Variants in KCTD13 observed in about 807,000 individuals in gnomAD.
The protein encoded by KCTD13 is BTB/POZ domain-containing adapter for CUL3-mediated RhoA degradation protein 1.
Under a neutral mutation model 32.3 loss-of-function variants are expected in KCTD13, and 15 were observed. That is an observed-to-expected ratio of 0.46 (90% confidence interval 0.31 to 0.71). The LOEUF is 0.71. KCTD13 is among the 30% of genes least tolerant of loss of function. KCTD13 has a pLI of 0.05. For synonymous variants in KCTD13, 189 were observed against 200.1 expected, an observed-to-expected ratio of 0.94 and a Z score of 0.47; for missense variants, 337 against 452.6, an observed-to-expected ratio of 0.74 and a Z score of 2.32.
In KCTD13 at chr16:29,925,787, T is replaced by C. The variant is rs560111231; in HGVS notation, c.244+3A>G. ...GGGGGCACGGTAGGGGCGCCGCTCG[T>C]ACCTCCGGCATCGGTCAGCACCTCC... On this transcript the variant is annotated splice_donor_region_variant and intron_variant, in intron 1 of 5. Transcript: ENST00000568000. 6.2e-7 allele frequency: 1 copy of C among 1,613,296 alleles called. No individual in the cohort carries two copies. Among genetic ancestry groups the C allele is most frequent in the South Asian group, 1.1e-5 (1 of 91,014 alleles).
At chr16:29,911,434 T>C (rs2068707351) in intron 4 of KCTD13, 4 of 561,022 alleles carry the variant, frequency 7.1e-6, no homozygotes, top group Non-Finnish European at 1.3e-5. Flanking sequence ...GGGGTCCTGG[T>C]GTCCCCATTT....
rs901699271 is a variant in KCTD13 at position 29,906,712 on chromosome 16, A to T, written c.*160T>A. 1.5e-5 allele frequency: 10 copies of T among 685,370 alleles called. No individual in the cohort carries two copies. The highest frequency in any genetic ancestry group is 2.6e-5 in the Non-Finnish European group (10 of 380,174). 42.5% of individuals were successfully genotyped at this position (685,370 alleles called of 1,614,324 possible). On this transcript the variant is annotated 3_prime_UTR_variant, in exon 6 of 6. Coordinates refer to ENST00000568000, the MANE Select transcript of KCTD13 (RefSeq NM_178863.5). ...CCATGTTGTTAGCAATGGGGTTGGG[A>T]TGGGTGGAGAAGGGCCAAAGTGAGC... is the stretch of plus-strand genomic sequence containing the variant.
intron 2 of KCTD13, chr16:29,914,868 G>T (rs1007502858): frequency 6.6e-6 from 1 of 152,254 alleles, no homozygotes; most frequent in Non-Finnish European, 1.5e-5. Context: ...GAAGCCGGGC[G>T]TGGTAGCGTG....
chr16:29,908,683 C>CTT (rs576706189), intron 5 of KCTD13, among the ~76,000 whole-genome samples: 7 of 136,194 alleles, frequency 5.1e-5, no homozygotes, highest in African/African-American at 8.2e-5. Flanking sequence ...CATGCCCGGC[C>CTT]TTTTTTTTTT....
At chr16:29,922,404 T>C (rs934536585) in intron 2 of KCTD13, 4 of 152,182 alleles carry the variant, frequency 2.6e-5, no homozygotes, top group African/African-American at 7.2e-5. Context: ...ATTGTAAAAA[T>C]AGAACAGAAT....
chr16:29,918,921 GT>G, intron 2 of KCTD13, among the ~76,000 whole-genome samples: 1 of 151,380 alleles, frequency 6.6e-6, no homozygotes, highest in Non-Finnish European at 1.5e-5. Flanking sequence ...GCCTCCCAAA[GT>G]GCTGGGATTA....
At chr16:29,920,635 A>G (rs1055273300) in intron 2 of KCTD13, 2 of 152,242 alleles carry the variant, frequency 1.3e-5, no homozygotes, top group Non-Finnish European at 2.9e-5. Context: ...ACTAGTGAGT[A>G]TATGAAAAGA....
At position 29,917,346 on chromosome 16, in the gene KCTD13, A is replaced by G. The variant is rs542578027; in HGVS notation, c.415-5297T>C. Among the ~76,000 whole-genome samples, 14 of 152,296 alleles carry G rather than the reference A, an allele frequency of 9.2e-5. No individual in the cohort carries two copies. In the South Asian group the frequency reaches 2.7e-3, roughly 29 times the overall value. On this transcript the variant is annotated intron_variant, in intron 2 of 5. Transcript: ENST00000568000. ...ATTAAAATACCCATATATGAAAAAA[A>G]TCCATATTTAAAACTATAGGTCAGG...
intron 1 of KCTD13, 111 bp downstream of exon 1, chr16:29,925,679 T>C: frequency 9.5e-7 from 1 of 1,052,634 alleles, no homozygotes; most frequent in Non-Finnish European, 1.4e-6. Flanking sequence ...ATGAGTTGAC[T>C]GGACAGTAGC....
rs1597035385 is a variant in KCTD13 at position 29,926,172 on chromosome 16, A to G, written c.-139T>C. ...CCACTCACCGCAGCTACTCTGCAAG[A>G]CCGGCCCTCCGCCCCATCTCGCTCG... On this transcript the variant is annotated 5_prime_UTR_variant, in exon 1 of 6. Coordinates refer to ENST00000568000, the MANE Select transcript of KCTD13 (RefSeq NM_178863.5). 9.9e-7 allele frequency: 1 copy of G among 1,012,636 alleles called. No individual in the cohort carries two copies. The highest frequency in any genetic ancestry group is 2.1e-5 in the South Asian group (1 of 47,834). 62.7% of individuals were successfully genotyped at this position (1,012,636 alleles called of 1,614,324 possible).
At chr16:29,917,286 T>C (rs1273175806) in intron 2 of KCTD13, among the ~76,000 whole-genome samples, 1 of 152,076 alleles carries the variant, frequency 6.6e-6, no homozygotes, top group African/African-American at 2.4e-5. Flanking sequence ...CTAAATCCCT[T>C]CACAATCATA....
Position 29,920,858 on chromosome 16 carries a change from T to C in KCTD13, c.414+2332A>G, listed in dbSNP as rs1006165668. ...TATTTACTAAAACGCCGTTTGCAGG[T>C]GTCCTGTTATCCAGCAATTCTACTC... On this transcript the variant is annotated intron_variant, in intron 2 of 5. Transcript: ENST00000568000. 3.9e-5 allele frequency: 6 copies of C among 152,292 alleles called. No homozygotes were observed. In the East Asian group the frequency reaches 1.2e-3, roughly 29 times the overall value. 9.4% of individuals were successfully genotyped at this position (152,292 alleles called of 1,614,324 possible).
chr16:29,916,161 A>G (rs2068805680), intron 2 of KCTD13, among the ~76,000 whole-genome samples: 1 of 152,134 alleles, frequency 6.6e-6, no homozygotes, highest in South Asian at 2.1e-4. Flanking sequence ...CCTTTCCATC[A>G]GTTTCCAATA....
intron 2 of KCTD13, among the ~76,000 whole-genome samples, chr16:29,916,521 C>G (rs1485039707): frequency 6.6e-6 from 1 of 152,132 alleles, no homozygotes; most frequent in Non-Finnish European, 1.5e-5. Flanking sequence ...TTCCAGAAAC[C>G]AAAGTCTGTT....
intron 2 of KCTD13, among the ~76,000 whole-genome samples, chr16:29,917,712 G>A (rs2068834924): frequency 1.3e-5 from 2 of 152,288 alleles, no homozygotes; most frequent in African/African-American, 4.8e-5. Flanking sequence ...CCGGGAGGCA[G>A]AGGTTGCAGT....
chr16:29,922,924 A>G (rs1322545516), intron 2 of KCTD13: 1 of 473,918 alleles, frequency 2.1e-6, no homozygotes, highest in Non-Finnish European at 3.7e-6. Context: ...CTCAGGTGCG[A>G]GTGTAACAGC....
intron 2 of KCTD13, chr16:29,912,344 T>C (rs1440405858): frequency 6.1e-6 from 3 of 495,026 alleles, no homozygotes; most frequent in Non-Finnish European, 1.1e-5. Flanking sequence ...CGTCATGCCA[T>C]TCAGATCGCA....
At chr16:29,911,487 T>G (rs2068708385) in intron 4 of KCTD13, 1 of 562,120 alleles carries the variant, frequency 1.8e-6, no homozygotes, top group South Asian at 2.3e-5. Context: ...CCTCTTGGTG[T>G]CCCGACCTCC....
chr16:29,912,292 T>A (rs1421391832), intron 2 of KCTD13: 2 of 562,678 alleles, frequency 3.6e-6, no homozygotes, highest in Non-Finnish European at 6.2e-6. Context: ...GCTGTGCCCC[T>A]GCCCGGGATG....
Sources: allele counts gnomAD v4.1 joint callset (sites outside exome capture counted in the v4.1 genomes callset), GRCh38; gene constraint gnomAD v4.1.1; transcripts MANE v1.5; gene names NCBI Gene and HGNC (gene_info 2026-07-23, HGNC 2026-07-21).